The following WTAP variants were observed in gnomAD, a reference collection of about 807,000 sequenced individuals.
WTAP encodes the protein pre-mRNA-splicing regulator WTAP.
A neutral mutation model predicts 50.0 loss-of-function variants in WTAP; 8 were observed. The observed-to-expected ratio is 0.16, with a 90% CI of 0.09 to 0.29. The LOEUF (loss-of-function observed/expected upper bound fraction) is 0.29, where lower values mean the gene tolerates loss of function less well. WTAP is among the 10% of genes least tolerant of loss of function. The probability of loss-of-function intolerance (pLI) is 1.00; values close to 1 mark genes in which losing one functional copy is unlikely to be tolerated. For missense variants in WTAP, 295 were observed against 470.7 expected (o/e 0.63, Z 3.45); for synonymous variants, 194 against 169.0 (o/e 1.15, Z -1.15).
At chr6:159,749,029 T>C in intron 6 of WTAP, 1 of 998,250 alleles carries the variant, frequency 1.0e-6, no homozygotes, top group Non-Finnish European at 1.2e-6. Flanking sequence ...GTAGCGCATA[T>C]ATTTAACCAT....
chr6:159,735,244 G>A (rs1369054229), intron 1 of WTAP, among the ~76,000 whole-genome samples: 1 of 152,110 alleles, frequency 6.6e-6, no homozygotes, highest in Non-Finnish European at 1.5e-5. Context: ...AGGTTCAGGC[G>A]ATTCCTGCCT....
rs1000443296 is a variant in WTAP, at chr6:159,727,695, C to T, written c.-17C>T. 6.1e-6 allele frequency: 6 copies of T among 983,490 alleles called. No individual in the cohort carries two copies. Among genetic ancestry groups the T allele is most frequent in the Non-Finnish European group, 7.2e-6 (6 of 829,778 alleles). 60.9% of individuals were successfully genotyped at this position (983,490 alleles called of 1,614,324 possible). A position where few individuals can be genotyped will look rare whatever the true frequency, so the allele number is the denominator to read the frequency against. ...ACCGGTGGCGCCGGCGCGGCTTCTG[C>T]CTGGAGAGGTAGGCGCGGGCCGGCT... On this transcript the variant is annotated 5_prime_UTR_variant, in exon 1 of 8. Transcript: ENST00000621533.
intron 1 of WTAP, among the ~76,000 whole-genome samples, chr6:159,734,228 C>T (rs1041838194): frequency 1.3e-5 from 2 of 151,816 alleles, no homozygotes; most frequent in South Asian, 2.1e-4. Context: ...TGCCCGGGCT[C>T]GGTTCAAACT....
chr6:159,744,549 A>G (rs1007682205), intron 5 of WTAP, among the ~76,000 whole-genome samples: 1 of 152,194 alleles, frequency 6.6e-6, no homozygotes. Context: ...TTTTGCCAAT[A>G]GAATGTTCCT....
rs867156855 is a variant in WTAP at position 159,743,607 on chromosome 6, A to G, written c.146-58A>G. ...GACCCTAGTTCTTATTGTTCTTGAC[A>G]GAGGTATTTAGAACTTGATCTTAAA... is the stretch of plus-strand genomic sequence containing the variant. On this transcript the variant is annotated intron_variant, in intron 4 of 7. Transcript: ENST00000621533. 2.1e-5 allele frequency: 32 copies of G among 1,491,778 alleles called. 2 individuals are homozygous for G. The South Asian group carries it at 2.6e-4, about 12-fold the overall frequency. The allele number at this position is 1,491,778 out of a possible 1,614,324, so 92.4% of individuals were successfully genotyped here. A position where few individuals can be genotyped will look rare whatever the true frequency, so the allele number is the denominator to read the frequency against.
intron 6 of WTAP, among the ~76,000 whole-genome samples, chr6:159,749,923 G>A (rs1284439774): frequency 6.6e-6 from 1 of 152,142 alleles, no homozygotes; most frequent in African/African-American, 2.4e-5. Context: ...TAAGATGAGT[G>A]GAAGATAAAT....
intron 5 of WTAP, among the ~76,000 whole-genome samples, chr6:159,747,490 T>A (rs1348444464): frequency 6.6e-6 from 1 of 152,180 alleles, no homozygotes; most frequent in African/African-American, 2.4e-5. Context: ...AAAATATGAA[T>A]TATACTTTAT....
At chr6:159,736,481 A>G (rs1235478969) in intron 2 of WTAP, 186 bp downstream of exon 2, 6 of 450,436 alleles carry the variant, frequency 1.3e-5, no homozygotes, top group Admixed American at 1.1e-4. Context: ...TATATCCAGT[A>G]TATTTTTTAG....
chr6:159,727,415 G>A (rs559838648), upstream of WTAP: 33 of 1,197,622 alleles, frequency 2.8e-5, no homozygotes, highest in Non-Finnish European at 3.5e-5. Flanking sequence ...CAGTGGCGCT[G>A]GCCTGCGGCG....
intron 6 of WTAP, among the ~76,000 whole-genome samples, chr6:159,752,596 C>T (rs1464603279): frequency 2.0e-5 from 3 of 152,246 alleles, no homozygotes; most frequent in Non-Finnish European, 4.4e-5. Flanking sequence ...AATTGTGATA[C>T]GTGACCACTG....
chr6:159,726,860 T>C (rs1190262691), upstream of WTAP: 32 of 1,289,212 alleles, frequency 2.5e-5, 1 homozygote, highest in South Asian at 2.6e-4. Flanking sequence ...ACAGGTGAGC[T>C]TCTGCTAAGA....
chr6:159,745,127 T>TA (rs372491250), intron 5 of WTAP: 6 of 152,376 alleles, frequency 3.9e-5, no homozygotes, highest in South Asian at 2.1e-4. Flanking sequence ...AAATGGATCT[T>TA]ACCTTTAGAC....
At chr6:159,729,894 A>G (rs1778464140) in intron 1 of WTAP, among the ~76,000 whole-genome samples, 1 of 152,202 alleles carries the variant, frequency 6.6e-6, no homozygotes, top group Non-Finnish European at 1.5e-5. Context: ...TATGATGCTA[A>G]GAGCCAGGAA....
intron 6 of WTAP, among the ~76,000 whole-genome samples, chr6:159,752,919 T>G (rs1583108275): frequency 6.6e-6 from 1 of 152,316 alleles, no homozygotes; most frequent in South Asian, 2.1e-4. Context: ...AAATTTTTTG[T>G]AGAGTTGGAG....
At chr6:159,729,623 C>T (rs1253010036) in intron 1 of WTAP, among the ~76,000 whole-genome samples, 1 of 152,176 alleles carries the variant, frequency 6.6e-6, no homozygotes, top group Admixed American at 6.5e-5. Context: ...ATTTGCAGCA[C>T]TTTGTGAGAC....
intron 1 of WTAP, 37 bp downstream of exon 1, chr6:159,727,740 G>T: frequency 1.0e-6 from 1 of 985,176 alleles, no homozygotes; most frequent in Non-Finnish European, 1.2e-6. Flanking sequence ...GGACGCGGGG[G>T]ACCTCCGGGG....
intron 1 of WTAP, among the ~76,000 whole-genome samples, chr6:159,735,638 A>G (rs1778864784): frequency 6.6e-6 from 1 of 152,080 alleles, no homozygotes. Flanking sequence ...AGTCCCAGCT[A>G]TTTAGGGGGC....
chr6:159,750,324 A>C (rs180719657), intron 6 of WTAP, among the ~76,000 whole-genome samples: 1 of 152,200 alleles, frequency 6.6e-6, no homozygotes, highest in Non-Finnish European at 1.5e-5. Context: ...TTTCTTTGAC[A>C]CTTAGATAAC....
intron 1 of WTAP, among the ~76,000 whole-genome samples, chr6:159,732,886 A>AGTTGTGTGTGTGTGTGT (rs1778671324): frequency 6.8e-6 from 1 of 146,380 alleles, no homozygotes; most frequent in African/African-American, 2.6e-5. Context: ...ATATATATAT[A>AGTTGTGTGTGTGTGTGT]GTGTGTGTGT....
Sources: gnomAD v4.1 joint callset for allele counts (sites outside exome capture counted in the v4.1 genomes callset) on GRCh38, gnomAD v4.1.1 for gene constraint, MANE v1.5 for transcripts, NCBI Gene and HGNC (gene_info 2026-07-23, HGNC 2026-07-21) for gene names.